The following DPM1 variants were observed in gnomAD, a reference collection of about 807,000 sequenced individuals.
The protein encoded by DPM1 is dolichol-phosphate mannosyltransferase subunit 1.
Under a neutral mutation model 39.0 loss-of-function variants are expected in DPM1, and 27 were observed. The ratio of observed to expected loss-of-function variants is 0.69; its 90% CI spans 0.51 to 0.95. The LOEUF is 0.95. DPM1 is among the 40% of genes least tolerant of loss of function. DPM1 has a pLI of 0.00. For synonymous variants in DPM1, 124 were observed against 109.0 expected, an observed-to-expected ratio of 1.14 and a Z score of -0.86; for missense variants, 307 against 315.6, an observed-to-expected ratio of 0.97 and a Z score of 0.21.
chr20:50,942,503 CA>C lies in DPM1; in HGVS notation c.399-378del, dbSNP rs11484450. Among the ~76,000 whole-genome samples the C allele has an allele frequency of 4.0e-3, 519 of 128,652 alleles. 2 individuals carry two copies. The highest frequency in any genetic ancestry group is 8.6e-3 in the Middle Eastern group (2 of 232). The allele number at this position is 128,652 out of a possible 152,430, so 84.4% of individuals were successfully genotyped here. A position where few individuals can be genotyped will look rare whatever the true frequency, so the allele number is the denominator to read the frequency against. ...GGGCAACAAGAGTGAGACTCCATCT[CA>C]AAAAAAAAAAAAAAATTAGTCGGGC... is the stretch of plus-strand genomic sequence containing the variant. On this transcript the variant is annotated intron_variant, in intron 5 of 8. Transcript: ENST00000371588.
At chr20:50,947,375 A>G (rs1042618297) in intron 3 of DPM1, among the ~76,000 whole-genome samples, 1 of 152,254 alleles carries the variant, frequency 6.6e-6, no homozygotes, top group Non-Finnish European at 1.5e-5. Context: ...TCTCAGAAAG[A>G]TAAAGGAGTG....
At chr20:50,950,940 A>T (rs1223469723) in intron 2 of DPM1, among the ~76,000 whole-genome samples, 3 of 152,200 alleles carry the variant, frequency 2.0e-5, no homozygotes, top group Admixed American at 6.5e-5. Context: ...ACCCCAAGTG[A>T]TACTTTCTAA....
At chr20:50,935,285 A>C in intron 8 of DPM1, 49 bp from the exon 9 acceptor site, 1 of 1,190,442 alleles carries the variant, frequency 8.4e-7, no homozygotes, top group Non-Finnish European at 1.3e-6. Flanking sequence ...ACAATTAGGC[A>C]GCTTAGCCGG....
intron 7 of DPM1, among the ~76,000 whole-genome samples, chr20:50,938,459 T>C (rs1459389211): frequency 6.6e-6 from 1 of 151,298 alleles, no homozygotes; most frequent in Non-Finnish European, 1.5e-5. Context: ...CTCGGCTCAC[T>C]GCAAGCTCTG....
In DPM1 at chr20:50,935,129, C is replaced by CT; in HGVS notation, c.*2dup. 6.6e-7 allele frequency: 1 copy of CT among 1,507,872 alleles called. No homozygotes were observed. The allele number at this position is 1,507,872 out of a possible 1,614,324, so 93.4% of individuals were successfully genotyped here. On this transcript the variant is annotated 3_prime_UTR_variant, in exon 9 of 9. Transcript: ENST00000371588. ...AACGTAACTATAAATGAGTATCTTTCTTTTATGTAGTAGCAAAAAGAGTCA... is the reference window on the plus strand; with the variant it reads ...AACGTAACTATAAATGAGTATCTTTCTTTTTATGTAGTAGCAAAAAGAGTCA...
At chr20:50,950,511 T>A (rs948852976) in intron 2 of DPM1, among the ~76,000 whole-genome samples, 9 of 152,146 alleles carry the variant, frequency 5.9e-5, no homozygotes, top group Non-Finnish European at 1.2e-4. Flanking sequence ...AAAAAGCAAA[T>A]TTTTTAAAGC....
chr20:50,935,820 A>G (rs1985103156), intron 8 of DPM1, among the ~76,000 whole-genome samples: 1 of 152,198 alleles, frequency 6.6e-6, no homozygotes, highest in Non-Finnish European at 1.5e-5. Context: ...CATTCATTTT[A>G]AAGTATGGTG....
At chr20:50,947,037 C>T (rs1246777879) in intron 3 of DPM1, among the ~76,000 whole-genome samples, 3 of 152,186 alleles carry the variant, frequency 2.0e-5, no homozygotes, top group East Asian at 3.9e-4. Context: ...GGAGAAACCC[C>T]GTCTCTACCA....
intron 5 of DPM1, 24 bp from the exon 6 acceptor site, chr20:50,942,150 T>C (rs529637634): frequency 1.3e-6 from 2 of 1,597,824 alleles, no homozygotes; most frequent in East Asian, 4.5e-5. Flanking sequence ...TAGCTGTCAA[T>C]TAGAAAAAGC....
rs1568757730 is a variant in DPM1, at chr20:50,936,197, TG to T, written c.628del (p.Gln210ArgfsTer4). ...EKCVSKGYVFQMEMIVRARQL... is the reference protein window; with the variant it reads ...EKCVSKGYVFXMEMIVRARQL... ...TCTTGCCCGAACAATCATCTCCATC[TG>T]GAAGACGTAGCCTTTAGAAACACAT... is the stretch of plus-strand genomic sequence containing the variant. On this transcript the variant is annotated frameshift_variant, in exon 8 of 9. Coordinates refer to ENST00000371588, the MANE Select transcript of DPM1 (RefSeq NM_003859.3). LOFTEE classifies it high-confidence loss of function. The T allele has an allele frequency of 6.2e-7, 1 of 1,613,814 alleles. No homozygotes were observed. The highest frequency in any genetic ancestry group is 8.5e-7 in the Non-Finnish European group (1 of 1,179,798).
At chr20:50,944,342 T>C (rs1986127997) in intron 5 of DPM1, 1 of 152,210 alleles carries the variant, frequency 6.6e-6, no homozygotes, top group African/African-American at 2.4e-5. Context: ...TTTTTGCCCA[T>C]TTTCTACTCT....
chr20:50,950,245 C>A (rs1986507190), intron 2 of DPM1, among the ~76,000 whole-genome samples: 1 of 152,230 alleles, frequency 6.6e-6, no homozygotes. Context: ...TACACTTTTA[C>A]TCCACTATCC....
intron 2 of DPM1, among the ~76,000 whole-genome samples, chr20:50,952,491 T>C (rs1986631487): frequency 6.6e-6 from 1 of 152,216 alleles, no homozygotes; most frequent in South Asian, 2.1e-4. Context: ...ACTTGTTCTA[T>C]AATACTCTCA....
At chr20:50,943,161 T>G (rs1164240979) in intron 5 of DPM1, among the ~76,000 whole-genome samples, 1 of 152,060 alleles carries the variant, frequency 6.6e-6, no homozygotes, top group Non-Finnish European at 1.5e-5. Context: ...CATGACAGAG[T>G]GAGATTCCAT....
intron 7 of DPM1, 26 bp from the exon 8 acceptor site, chr20:50,936,288 A>C (rs2123061985): frequency 7.0e-7 from 1 of 1,437,742 alleles, no homozygotes; most frequent in Non-Finnish European, 9.7e-7. Context: ...AATATATATC[A>C]ACTTCTGGAT....
intron 6 of DPM1, among the ~76,000 whole-genome samples, chr20:50,941,586 C>T (rs973047057): frequency 6.6e-6 from 1 of 151,684 alleles, no homozygotes; most frequent in Non-Finnish European, 1.5e-5. Context: ...TGCAGGTCCA[C>T]AGTCCCAGCT....
At chr20:50,954,172 C>T (rs1360270582) in intron 2 of DPM1, among the ~76,000 whole-genome samples, 2 of 151,834 alleles carry the variant, frequency 1.3e-5, no homozygotes, top group East Asian at 3.9e-4. Context: ...GACTGAGTGG[C>T]TTTTTTTTAA....
rs1328879066 is a variant in DPM1 at position 50,935,163 on chromosome 20, T to C, written c.752A>G (p.Lys251Arg). The change falls in exon 9 of 9, where the codon AAA becomes AGA. Residue 251 changes from lysine to arginine, a missense_variant. Physicochemically the swap from Lys to Arg is conservative, Grantham distance 26 (BLOSUM62 2). Coordinates refer to ENST00000371588, the MANE Select transcript of DPM1 (RefSeq NM_003859.3). ...AGTAGCAAAAAGAGTCAATAATCCT[T>C]TCAAGAAAGATACTATTTCATTTCC... is the stretch of plus-strand genomic sequence containing the variant. ...LGGNEIVSFLKGLLTLFATT is the reference protein window; with the variant it reads ...LGGNEIVSFLRGLLTLFATT 1 of 1,605,366 alleles carries C rather than the reference T, an allele frequency of 6.2e-7. No individual in the cohort carries two copies. The highest frequency in any genetic ancestry group is 1.1e-5 in the South Asian group (1 of 90,830).
At chr20:50,950,771 G>A (rs1986531121) in intron 2 of DPM1, among the ~76,000 whole-genome samples, 1 of 152,164 alleles carries the variant, frequency 6.6e-6, no homozygotes, top group African/African-American at 2.4e-5. Flanking sequence ...TCAGGAGGCT[G>A]AGGTAGAAGA....
Sources: allele counts gnomAD v4.1 joint callset (sites outside exome capture counted in the v4.1 genomes callset), GRCh38; gene constraint gnomAD v4.1.1; transcripts MANE v1.5; gene names NCBI Gene and HGNC (gene_info 2026-07-23, HGNC 2026-07-21).